DGKI: variants seen among roughly 807,000 people sequenced by gnomAD.
DGKI encodes DAG kinase iota.
A neutral mutation model predicts 147.5 loss-of-function variants in DGKI; 55 were observed. That is an observed-to-expected ratio of 0.37 (90% CI 0.30 to 0.47). The LOEUF (loss-of-function observed/expected upper bound fraction) is 0.47, where lower values mean the gene tolerates loss of function less well. Ranked by LOEUF, DGKI falls within the 20% of genes least tolerant of loss-of-function variation. The pLI is 1.00. For missense variants in DGKI, 1,007 were observed against 1,323.8 expected (o/e 0.76, Z 3.71); for synonymous variants, 469 against 477.1 (o/e 0.98, Z 0.22).
chr7:137,501,219 C>A (rs1816159917), intron 21 of DGKI, among the ~76,000 whole-genome samples: 1 of 152,110 alleles, frequency 6.6e-6, no homozygotes, highest in Admixed American at 6.6e-5. Flanking sequence ...TATGGCATAA[C>A]AATAATCTAT....
intron 3 of DGKI, among the ~76,000 whole-genome samples, chr7:137,657,945 T>C (rs1259765356): frequency 6.6e-6 from 1 of 152,150 alleles, no homozygotes; most frequent in East Asian, 1.9e-4. Context: ...AACACTGCAG[T>C]ACCGCTGCCA....
chr7:137,527,403 A>T (rs1375604616), intron 20 of DGKI, among the ~76,000 whole-genome samples: 3 of 152,210 alleles, frequency 2.0e-5, no homozygotes, highest in African/African-American at 7.2e-5. Context: ...GCATCCGTCA[A>T]CATCAGTAGG....
In DGKI at chr7:137,846,947, C is replaced by T. The variant is rs1798762086; in HGVS notation, c.-85G>A. 1.0e-6 allele frequency: 1 copy of T among 964,114 alleles called. No individual in the cohort carries two copies. 59.7% of individuals were successfully genotyped at this position (964,114 alleles called of 1,614,324 possible). A position where few individuals can be genotyped will look rare whatever the true frequency, so the allele number is the denominator to read the frequency against. ...AATCAGAGGCCGCCGCTCCCCGCCT[C>T]CCGCGCCCTCCCGCGCCGGCCCGCA... On this transcript the variant is annotated 5_prime_UTR_variant, in exon 1 of 33. Coordinates refer to ENST00000614521, the MANE Select transcript of DGKI (RefSeq NM_001321708.2). This position sits in a 1 kb window ranked among gnomAD's most constrained non-coding sequence, Gnocchi z 4.0.
chr7:137,558,178 C>A (rs1413703480), intron 19 of DGKI, among the ~76,000 whole-genome samples: 1 of 152,218 alleles, frequency 6.6e-6, no homozygotes, highest in Non-Finnish European at 1.5e-5. Flanking sequence ...TTTGACACAA[C>A]ATTTTACAAG....
intron 1 of DGKI, among the ~76,000 whole-genome samples, chr7:137,817,523 T>C (rs966869307): frequency 5.9e-5 from 9 of 152,238 alleles, no homozygotes; most frequent in Admixed American, 1.3e-4. Flanking sequence ...ATGAGTACTT[T>C]TCTTATGTGT....
intron 19 of DGKI, among the ~76,000 whole-genome samples, chr7:137,564,863 G>A (rs1000892390): frequency 1.3e-5 from 2 of 152,220 alleles, no homozygotes; most frequent in African/African-American, 2.4e-5. Flanking sequence ...CAGCTGGCTG[G>A]CCTTCAGCGA....
At chr7:137,783,267 A>C (rs1386806894) in intron 1 of DGKI, among the ~76,000 whole-genome samples, 1 of 152,228 alleles carries the variant, frequency 6.6e-6, no homozygotes, top group Middle Eastern at 3.2e-3. Flanking sequence ...TCAGTGAAAT[A>C]GACTGCATAA....
intron 30 of DGKI, among the ~76,000 whole-genome samples, chr7:137,402,573 T>C (rs1011144850): frequency 3.9e-5 from 6 of 152,254 alleles, no homozygotes; most frequent in Admixed American, 2.0e-4. Flanking sequence ...ATTTGTATTA[T>C]ATATGACGTG....
intron 20 of DGKI, among the ~76,000 whole-genome samples, chr7:137,525,636 T>A (rs1055697963): frequency 6.6e-6 from 1 of 152,138 alleles, no homozygotes; most frequent in South Asian, 2.1e-4. Flanking sequence ...GATATCAGTA[T>A]CCACCTCATA....
chr7:137,635,001 A>T (rs1821261205), intron 6 of DGKI, among the ~76,000 whole-genome samples: 2 of 152,204 alleles, frequency 1.3e-5, no homozygotes, highest in African/African-American at 4.8e-5. Flanking sequence ...CTGGAGGGAA[A>T]CAGGAGGTCT....
At chr7:137,735,912 T>A (rs964722585) in intron 1 of DGKI, among the ~76,000 whole-genome samples, 1 of 152,114 alleles carries the variant, frequency 6.6e-6, no homozygotes, top group Non-Finnish European at 1.5e-5. Flanking sequence ...CCGTCCGCTA[T>A]GTCAGTGACA....
At chr7:137,826,477 A>T (rs563784176) in intron 1 of DGKI, among the ~76,000 whole-genome samples, 1 of 152,328 alleles carries the variant, frequency 6.6e-6, no homozygotes, top group Non-Finnish European at 1.5e-5. Flanking sequence ...CTGCAAAATT[A>T]TCTGTATTTC....
At chr7:137,709,131 A>T (rs1481553300) in intron 1 of DGKI, among the ~76,000 whole-genome samples, 1 of 152,154 alleles carries the variant, frequency 6.6e-6, no homozygotes, top group Non-Finnish European at 1.5e-5. Flanking sequence ...GAGACTATAA[A>T]CTACTTTATA....
chr7:137,625,238 T>C (rs1820891436), intron 6 of DGKI, among the ~76,000 whole-genome samples: 1 of 151,998 alleles, frequency 6.6e-6, no homozygotes, highest in Non-Finnish European at 1.5e-5. Context: ...GGCAGGCAGA[T>C]TGCCTGAGGT....
intron 1 of DGKI, among the ~76,000 whole-genome samples, chr7:137,822,005 A>G (rs1797917886): frequency 6.6e-6 from 1 of 152,206 alleles, no homozygotes; most frequent in Admixed American, 6.5e-5. Context: ...TTTCTAAAAA[A>G]GCTACACCAG....
At chr7:137,596,992 G>T (rs148354146) in intron 12 of DGKI, among the ~76,000 whole-genome samples, 1 of 152,190 alleles carries the variant, frequency 6.6e-6, no homozygotes, top group African/African-American at 2.4e-5. Flanking sequence ...TAAATGTCAT[G>T]ATTCTCAATT....
At chr7:137,393,501 C>G (rs1420968701) in intron 32 of DGKI, among the ~76,000 whole-genome samples, 3 of 152,118 alleles carry the variant, frequency 2.0e-5, no homozygotes, top group African/African-American at 7.2e-5. Flanking sequence ...CAACCCTACC[C>G]CATAACCTGG....
chr7:137,470,111 C>A (rs114976509), intron 23 of DGKI, among the ~76,000 whole-genome samples: 3,154 of 152,260 alleles, frequency 0.021, 104 homozygotes, highest in African/African-American at 0.072. Flanking sequence ...AGAAAATCAA[C>A]CTCGCATACT....
chr7:137,754,308 C>T (rs1397797112), intron 1 of DGKI, among the ~76,000 whole-genome samples: 1 of 152,154 alleles, frequency 6.6e-6, no homozygotes, highest in Admixed American at 6.5e-5. Flanking sequence ...GTGTCCTCCC[C>T]TCCTGTGGCT....
Sources: gnomAD v4.1 joint callset for allele counts (sites outside exome capture counted in the v4.1 genomes callset) on GRCh38, gnomAD v4.1.1 for gene constraint, Gnocchi (gnomAD v3.1) non-coding constraint, MANE v1.5 for transcripts, NCBI Gene and HGNC (gene_info 2026-07-23, HGNC 2026-07-21) for gene names.